STK3: variants seen among roughly 807,000 people sequenced by gnomAD.
STK3 encodes serine/threonine kinase 3.
STK3 carries 41 observed loss-of-function variants against 58.0 expected under a neutral mutation model. The ratio of observed to expected loss-of-function variants is 0.71; its 90% CI spans 0.55 to 0.92. STK3 has a LOEUF of 0.92. STK3 is among the 40% of genes least tolerant of loss of function. The probability of loss-of-function intolerance (pLI) is 0.00; values close to 1 mark genes in which losing one functional copy is unlikely to be tolerated. For missense variants in STK3, 479 were observed against 602.7 expected (o/e 0.79, Z 2.15); for synonymous variants, 170 against 191.0 (o/e 0.89, Z 0.91).
chr8:98,522,947 A>G (rs573863201), intron 10 of STK3, among the ~76,000 whole-genome samples: 4 of 152,270 alleles, frequency 2.6e-5, no homozygotes, highest in Admixed American at 1.3e-4. Flanking sequence ...TCATCCATCA[A>G]TGGACACTTG....
intron 6 of STK3, among the ~76,000 whole-genome samples, chr8:98,660,114 T>C (rs1821849648): frequency 6.6e-6 from 1 of 152,050 alleles, no homozygotes; most frequent in African/African-American, 2.4e-5. Flanking sequence ...AATCACATGC[T>C]AAATACAGAT....
intron 1 of STK3, among the ~76,000 whole-genome samples, chr8:98,805,954 C>T (rs1025782769): frequency 2.0e-5 from 3 of 152,194 alleles, no homozygotes; most frequent in African/African-American, 7.2e-5. Context: ...CCCATCCACA[C>T]AAGCACACAC....
rs1251603877 is a variant in STK3 at position 98,800,555 on chromosome 8, G to A, written c.26+24960C>T. 1.3e-5 allele frequency among the ~76,000 whole-genome samples: 2 copies of A among 152,360 alleles called. No homozygotes were observed. Among genetic ancestry groups the A allele is most frequent in the East Asian group, 3.9e-4 (2 of 5,184 alleles). ...CCTCTCTGGGCTGGCCAAGGCCGGA[G>A]CCGGCTCCCTCTGCTTGCGGGAAGG... On this transcript the variant is annotated intron_variant, in intron 1 of 10. Transcript: ENST00000419617. The surrounding 1 kb of genome is among the most constrained non-coding windows in gnomAD (Gnocchi z 4.8).
chr8:98,736,504 G>A (rs182173338), intron 4 of STK3, among the ~76,000 whole-genome samples: 1 of 152,268 alleles, frequency 6.6e-6, no homozygotes, highest in East Asian at 1.9e-4. Context: ...TATACATCAG[G>A]CTAAAAAATT....
At chr8:98,561,830 C>A (rs1812058876) in intron 8 of STK3, among the ~76,000 whole-genome samples, 1 of 152,014 alleles carries the variant, frequency 6.6e-6, no homozygotes, top group Admixed American at 6.6e-5. Context: ...AGAAAACAGA[C>A]AACACAATTT....
intron 10 of STK3, among the ~76,000 whole-genome samples, chr8:98,525,833 G>C (rs777133964): frequency 6.6e-5 from 10 of 151,812 alleles, no homozygotes; most frequent in Admixed American, 1.3e-4. Flanking sequence ...AAAGCATTTA[G>C]AGTCATGTTG....
At chr8:98,937,085 G>C (rs1840224831) in intron 1 of STK3, among the ~76,000 whole-genome samples, 1 of 152,202 alleles carries the variant, frequency 6.6e-6, no homozygotes, top group Non-Finnish European at 1.5e-5. Context: ...TATAAGACCA[G>C]TATTCTTTGA....
At position 98,553,232 on chromosome 8, in the gene STK3, C is replaced by T. The variant is rs566565287; in HGVS notation, c.949-5071G>A. ...CAGACACATTCCTTCTCAGCTCAGACACCCCAAGATTGAATTAGGTGTCAT... is the reference window on the plus strand; with the variant it reads ...CAGACACATTCCTTCTCAGCTCAGATACCCCAAGATTGAATTAGGTGTCAT... On this transcript the variant is annotated intron_variant, in intron 8 of 10. Transcript: ENST00000419617. 4.6e-5 allele frequency: 7 copies of T among 152,276 alleles called. No individual in the cohort carries two copies. The East Asian group carries it at 7.7e-4, about 17-fold the overall frequency. 9.4% of individuals were successfully genotyped at this position (152,276 alleles called of 1,614,324 possible).
intron 6 of STK3, among the ~76,000 whole-genome samples, chr8:98,636,198 A>G (rs538251814): frequency 1.3e-5 from 2 of 152,172 alleles, no homozygotes. Flanking sequence ...TTCTCACTGT[A>G]CATATGGGAA....
chr8:98,732,707 G>A (rs143632946), intron 4 of STK3, among the ~76,000 whole-genome samples: 18 of 151,932 alleles, frequency 1.2e-4, no homozygotes, highest in East Asian at 1.9e-4. Context: ...CTAAGGATAC[G>A]GCTATAAAAC....
intron 3 of STK3, among the ~76,000 whole-genome samples, chr8:98,411,372 CAT>C (rs1818055390): frequency 6.6e-6 from 1 of 152,228 alleles, no homozygotes. Flanking sequence ...ATGCGGGAAA[CAT>C]ATTCACAGGA....
intron 3 of STK3, among the ~76,000 whole-genome samples, chr8:98,409,864 T>C (rs904118849): frequency 2.6e-5 from 4 of 152,210 alleles, no homozygotes; most frequent in African/African-American, 9.6e-5. Flanking sequence ...GGAAGACCTG[T>C]GTCTCTCAAA....
intron 3 of STK3, among the ~76,000 whole-genome samples, chr8:98,406,215 C>T (rs900715017): frequency 6.6e-6 from 1 of 151,502 alleles, no homozygotes; most frequent in Non-Finnish European, 1.5e-5. Flanking sequence ...TACTTATCTT[C>T]CCCCCAGGCA....
chr8:98,858,252 T>C (rs960978761), intron 3 of STK3, among the ~76,000 whole-genome samples: 1 of 138,226 alleles, frequency 7.2e-6, no homozygotes, highest in Admixed American at 7.7e-5. Flanking sequence ...TGTGGTGGCA[T>C]GCACCTATAG....
intron 10 of STK3, among the ~76,000 whole-genome samples, chr8:98,481,069 G>A (rs1246331440): frequency 1.3e-5 from 2 of 151,962 alleles, no homozygotes; most frequent in African/African-American, 2.4e-5. Flanking sequence ...ATTCTTGTTG[G>A]GGAGGTGTAT....
chr8:98,686,161 A>G (rs773782343), intron 6 of STK3, among the ~76,000 whole-genome samples: 23 of 152,174 alleles, frequency 1.5e-4, no homozygotes, highest in Non-Finnish European at 2.9e-4. Flanking sequence ...TGCTGTGCTT[A>G]CTACTACTTC....
At chr8:98,477,817 T>C (rs1821497605) in intron 10 of STK3, among the ~76,000 whole-genome samples, 1 of 146,414 alleles carries the variant, frequency 6.8e-6, no homozygotes, top group Non-Finnish European at 1.5e-5. Context: ...GTCTTGGCAC[T>C]AATGAACGTT....
chr8:98,746,701 A>G (rs943029986), intron 4 of STK3, among the ~76,000 whole-genome samples: 2 of 152,202 alleles, frequency 1.3e-5, no homozygotes, highest in Non-Finnish European at 2.9e-5. Context: ...GCTAAAAGGA[A>G]TCACTAACCT....
At chr8:98,503,588 T>A (rs1402851487) in intron 10 of STK3, among the ~76,000 whole-genome samples, 1 of 152,226 alleles carries the variant, frequency 6.6e-6, no homozygotes, top group Non-Finnish European at 1.5e-5. Context: ...CCCCAGAGAA[T>A]CTGGTACGTT....
Sources: gnomAD v4.1 joint callset for allele counts (sites outside exome capture counted in the v4.1 genomes callset) on GRCh38, gnomAD v4.1.1 for gene constraint, Gnocchi (gnomAD v3.1) non-coding constraint, MANE v1.5 for transcripts, NCBI Gene and HGNC (gene_info 2026-07-23, HGNC 2026-07-21) for gene names.